The following EPHA6 variants were observed in gnomAD, a reference collection of about 807,000 sequenced individuals.
EPHA6 encodes ephrin type-A receptor 6.
In EPHA6, 50 loss-of-function variants were observed where a neutral mutation model predicts 112.0. The ratio of observed to expected loss-of-function variants is 0.45; its 90% CI spans 0.36 to 0.56. The LOEUF is 0.56. Ranked by LOEUF, EPHA6 falls within the 20% of genes least tolerant of loss-of-function variation. The pLI is 0.00. For missense variants in EPHA6, 1,280 were observed against 1,417.4 expected (o/e 0.90, Z 1.56); for synonymous variants, 529 against 490.7 (o/e 1.08, Z -1.03).
At chr3:97,237,313 G>A (rs1231820862) in intron 4 of EPHA6, among the ~76,000 whole-genome samples, 2 of 151,750 alleles carry the variant, frequency 1.3e-5, no homozygotes, top group South Asian at 4.1e-4. Flanking sequence ...CTACTGAATA[G>A]ACACCTATAT....
At chr3:97,642,822 C>A (rs532433187) in intron 14 of EPHA6, among the ~76,000 whole-genome samples, 1 of 151,184 alleles carries the variant, frequency 6.6e-6, no homozygotes, top group African/African-American at 2.4e-5. Flanking sequence ...GATTGGTGTA[C>A]CTGAAAGTGT....
chr3:97,178,906 C>G (rs925910937), intron 3 of EPHA6, among the ~76,000 whole-genome samples: 1 of 152,054 alleles, frequency 6.6e-6, no homozygotes, highest in Admixed American at 6.6e-5. Context: ...TGAAAGTTCT[C>G]TGTTATTATT....
At chr3:97,299,459 A>G (rs2081007260) in intron 5 of EPHA6, among the ~76,000 whole-genome samples, 1 of 152,028 alleles carries the variant, frequency 6.6e-6, no homozygotes, top group Non-Finnish European at 1.5e-5. Flanking sequence ...AATGTGGGAG[A>G]GTTTGCTTTC....
intron 14 of EPHA6, among the ~76,000 whole-genome samples, chr3:97,702,217 G>C (rs1410329131): frequency 6.6e-6 from 1 of 152,092 alleles, no homozygotes; most frequent in African/African-American, 2.4e-5. Flanking sequence ...TTTATCAGGT[G>C]TTTTATTATC....
intron 3 of EPHA6, among the ~76,000 whole-genome samples, chr3:97,025,441 T>C (rs1317030245): frequency 6.6e-6 from 1 of 152,198 alleles, no homozygotes; most frequent in East Asian, 1.9e-4. Flanking sequence ...GTAGGTTGTC[T>C]GTTCATTCTG....
chr3:97,356,487 G>T (rs897510868), intron 5 of EPHA6, among the ~76,000 whole-genome samples: 3 of 152,082 alleles, frequency 2.0e-5, no homozygotes, highest in East Asian at 3.9e-4. Context: ...ATAAGTTTTG[G>T]TATGTTGTAT....
At chr3:96,986,205 C>A (rs1273556292) in intron 2 of EPHA6, among the ~76,000 whole-genome samples, 2 of 152,102 alleles carry the variant, frequency 1.3e-5, no homozygotes, top group Non-Finnish European at 2.9e-5. Context: ...ATATAAACTG[C>A]TTTCAGGGTA....
intron 7 of EPHA6, among the ~76,000 whole-genome samples, chr3:97,457,645 C>T (rs376030399): frequency 2.0e-5 from 3 of 152,134 alleles, no homozygotes; most frequent in Non-Finnish European, 2.9e-5. Context: ...AACATCTTCT[C>T]AATTTGTATT....
intron 5 of EPHA6, among the ~76,000 whole-genome samples, chr3:97,370,899 G>A (rs1208796203): frequency 1.3e-5 from 2 of 152,128 alleles, no homozygotes; most frequent in Non-Finnish European, 2.9e-5. Context: ...TGTAGCTAAT[G>A]AGAGGTAGAG....
At chr3:97,324,782 C>G (rs571080674) in intron 5 of EPHA6, among the ~76,000 whole-genome samples, 1 of 152,064 alleles carries the variant, frequency 6.6e-6, no homozygotes, top group South Asian at 2.1e-4. Context: ...TCAGGTGATC[C>G]ACCTGCCTCG....
At chr3:97,065,262 A>T (rs181178336) in intron 3 of EPHA6, among the ~76,000 whole-genome samples, 1 of 152,282 alleles carries the variant, frequency 6.6e-6, no homozygotes, top group East Asian at 1.9e-4. Flanking sequence ...TGCTGAACAT[A>T]GTTGACATTT....
intron 3 of EPHA6, among the ~76,000 whole-genome samples, chr3:97,179,717 G>GTCTCTCTC (rs71113852): frequency 0.023 from 2,782 of 119,056 alleles, 117 homozygotes; most frequent in African/African-American, 0.065. Context: ...AACCTACAGA[G>GTCTCTCTC]TCTCTCTCTC....
chr3:96,854,465 A>G (rs1381179605), intron 1 of EPHA6, among the ~76,000 whole-genome samples: 2 of 152,034 alleles, frequency 1.3e-5, no homozygotes, highest in East Asian at 3.9e-4. Context: ...TATAGCACTT[A>G]TCATAATATA....
chr3:96,936,002 A>G (rs1403431683), intron 2 of EPHA6, among the ~76,000 whole-genome samples: 2 of 151,966 alleles, frequency 1.3e-5, no homozygotes, highest in African/African-American at 4.8e-5. Context: ...TAGCTTTCCT[A>G]TGCTTTTCCA....
At chr3:97,020,823 A>G (rs1477543158) in intron 3 of EPHA6, among the ~76,000 whole-genome samples, 1 of 152,060 alleles carries the variant, frequency 6.6e-6, no homozygotes, top group Non-Finnish European at 1.5e-5. Flanking sequence ...TTCTTAACCC[A>G]TTTATTATGC....
rs955844833 is a variant in EPHA6, at chr3:97,559,061, C to A, written c.2386+26518C>A. On this transcript the variant is annotated intron_variant, in intron 11 of 17. Transcript: ENST00000389672. ...AATAACAATTTATTTTCAATGAGTG[C>A]ATAGCATGCATAAAGATGAATAAGA... Among the ~76,000 whole-genome samples, 7 of 151,870 alleles carry A rather than the reference C, an allele frequency of 4.6e-5. No individual in the cohort carries two copies. In the East Asian group the frequency reaches 5.8e-4, roughly 13 times the overall value.
chr3:97,511,892 G>T (rs2092370649), intron 10 of EPHA6, among the ~76,000 whole-genome samples: 1 of 151,746 alleles, frequency 6.6e-6, no homozygotes, highest in Non-Finnish European at 1.5e-5. Flanking sequence ...CATTGAATTT[G>T]GATTGCTTCT....
intron 3 of EPHA6, among the ~76,000 whole-genome samples, chr3:96,994,732 T>TATATATATAGAG (rs1170197805): frequency 6.0e-4 from 49 of 82,194 alleles, no homozygotes; most frequent in East Asian, 2.2e-3. Context: ...TATATATATA[T>TATATATATAGAG]AGAGAGAGAG....
At chr3:97,064,599 A>G (rs559146836) in intron 3 of EPHA6, among the ~76,000 whole-genome samples, 23 of 152,278 alleles carry the variant, frequency 1.5e-4, no homozygotes, top group African/African-American at 5.5e-4. Context: ...TCTTTAATGA[A>G]TAACTGAACA....
Sources: allele counts gnomAD v4.1 joint callset (sites outside exome capture counted in the v4.1 genomes callset), GRCh38; gene constraint gnomAD v4.1.1; transcripts MANE v1.5; gene names NCBI Gene and HGNC (gene_info 2026-07-23, HGNC 2026-07-21).